Variants in GLIS3 observed in about 807,000 individuals in gnomAD.
GLIS3 encodes the protein GLIS family zinc finger 3, also known as zinc finger protein GLIS3.
Under a neutral mutation model 78.6 loss-of-function variants are expected in GLIS3, and 53 were observed. The ratio of observed to expected loss-of-function variants is 0.67; its 90% CI spans 0.54 to 0.85. The LOEUF is 0.85. Ranked by LOEUF, GLIS3 falls within the 40% of genes least tolerant of loss-of-function variation. The pLI, the probability that GLIS3 is intolerant of heterozygous loss-of-function variation, is 0.00. For missense variants in GLIS3, 1,703 were observed against 1,231.1 expected (o/e 1.38, Z -5.74); for synonymous variants, 684 against 509.9 (o/e 1.34, Z -4.60).
chr9:3,912,898 T>C (rs1287469456), intron 6 of GLIS3, among the ~76,000 whole-genome samples: 1 of 152,218 alleles, frequency 6.6e-6, no homozygotes, highest in Non-Finnish European at 1.5e-5. Flanking sequence ...GGGTTTACTT[T>C]TATCACAGCT....
the GLIS3 span, among the ~76,000 whole-genome samples, chr9:4,365,287 G>C: frequency 6.6e-6 from 1 of 152,168 alleles, no homozygotes; most frequent in Non-Finnish European, 1.5e-5. Flanking sequence ...ATCAGGCTGG[G>C]TGCGGTGGCT....
intron 4 of GLIS3, among the ~76,000 whole-genome samples, chr9:4,098,307 T>C (rs1483752566): frequency 6.6e-6 from 1 of 152,200 alleles, no homozygotes; most frequent in African/African-American, 2.4e-5. Flanking sequence ...GGTATATTCC[T>C]AATGAGATGT....
intron 4 of GLIS3, among the ~76,000 whole-genome samples, chr9:4,060,508 G>T (rs947118988): frequency 6.6e-6 from 1 of 152,136 alleles, no homozygotes; most frequent in African/African-American, 2.4e-5. Flanking sequence ...AGGTGACTGG[G>T]TCATGACAGC....
intron 4 of GLIS3, among the ~76,000 whole-genome samples, chr9:4,091,699 A>C (rs1287769966): frequency 6.6e-6 from 1 of 152,086 alleles, no homozygotes; most frequent in African/African-American, 2.4e-5. Flanking sequence ...TCCTGCCACC[A>C]TGTGAAGGAG....
At chr9:4,425,292 G>C in the GLIS3 span, among the ~76,000 whole-genome samples, 3 of 152,152 alleles carry the variant, frequency 2.0e-5, no homozygotes, top group African/African-American at 4.8e-5. Flanking sequence ...ATATACACAA[G>C]ACTGTTTCCC....
At chr9:4,197,449 G>C (rs1818971595) in intron 2 of GLIS3, among the ~76,000 whole-genome samples, 1 of 152,154 alleles carries the variant, frequency 6.6e-6, no homozygotes, top group African/African-American at 2.4e-5. Flanking sequence ...TAGGAGTTTA[G>C]GCTGCCCCCC....
chr9:4,037,068 C>G (rs1003538725), intron 4 of GLIS3, among the ~76,000 whole-genome samples: 1 of 152,118 alleles, frequency 6.6e-6, no homozygotes, highest in African/African-American at 2.4e-5. Flanking sequence ...AAAAAATCAC[C>G]CCACTCTCTG....
At chr9:3,846,696 C>A (rs1819065852) in intron 9 of GLIS3, among the ~76,000 whole-genome samples, 1 of 152,198 alleles carries the variant, frequency 6.6e-6, no homozygotes, top group Non-Finnish European at 1.5e-5. Context: ...CCCTCTTCCA[C>A]AGGGCTGCCA....
chr9:4,409,054 G>GA, the GLIS3 span, among the ~76,000 whole-genome samples: 1 of 151,962 alleles, frequency 6.6e-6, no homozygotes, highest in Admixed American at 6.5e-5. Flanking sequence ...AATTGGAAAA[G>GA]AAAAAAACAA....
intron 4 of GLIS3, among the ~76,000 whole-genome samples, chr9:3,951,841 A>AACACACACACACACACAC (rs3061609): frequency 1.7e-3 from 226 of 130,604 alleles, no homozygotes; most frequent in African/African-American, 5.2e-3. Context: ...AATAAGCATG[A>AACACACACACACACACAC]ACACACACAC....
chr9:4,337,545 T>C (rs537731342), intron 2 of GLIS3, among the ~76,000 whole-genome samples: 4 of 152,336 alleles, frequency 2.6e-5, no homozygotes, highest in African/African-American at 9.6e-5. Flanking sequence ...ATTTCCTTTA[T>C]AATCAAAAAA....
intron 4 of GLIS3, among the ~76,000 whole-genome samples, chr9:4,069,388 A>C (rs116460185): frequency 0.012 from 1,836 of 152,284 alleles, 42 homozygotes; most frequent in African/African-American, 0.042. Context: ...TCCAGTTGCT[A>C]TCTCCAGGAG....
intron 6 of GLIS3, among the ~76,000 whole-genome samples, chr9:3,924,482 C>T (rs1009534528): frequency 1.1e-4 from 17 of 152,236 alleles, no homozygotes; most frequent in Admixed American, 6.5e-5. Flanking sequence ...CCAATCCAAA[C>T]ACCACTCTAA....
intron 9 of GLIS3, among the ~76,000 whole-genome samples, chr9:3,854,162 G>T (rs1819608644): frequency 6.6e-6 from 1 of 152,202 alleles, no homozygotes; most frequent in African/African-American, 2.4e-5. Context: ...TTTCAGAGTA[G>T]ATAAACTCCT....
intron 7 of GLIS3, 148 bp from the exon 8 acceptor site, chr9:3,879,743 A>G: frequency 2.5e-6 from 2 of 811,080 alleles, no homozygotes; most frequent in Non-Finnish European, 3.9e-6. Context: ...CTTCTTGGGT[A>G]CACACAGCTT....
intron 4 of GLIS3, among the ~76,000 whole-genome samples, chr9:4,307,544 C>T (rs995503724): frequency 6.8e-5 from 10 of 148,006 alleles, no homozygotes; most frequent in African/African-American, 2.4e-4. Flanking sequence ...GCCCTGCATC[C>T]CAACAAAAAA....
intron 2 of GLIS3, among the ~76,000 whole-genome samples, chr9:4,242,923 T>C (rs1163021520): frequency 1.3e-5 from 2 of 152,252 alleles, no homozygotes; most frequent in Non-Finnish European, 2.9e-5. Context: ...GCCATTCATA[T>C]GTGTAGCTTA....
intron 2 of GLIS3, among the ~76,000 whole-genome samples, chr9:4,195,651 G>T (rs779286040): frequency 6.6e-6 from 1 of 152,256 alleles, no homozygotes; most frequent in Admixed American, 6.5e-5. Flanking sequence ...TGGTCCCATC[G>T]ACCGCCCAAG....
chr9:4,228,970 G>T (rs183921667), intron 2 of GLIS3, among the ~76,000 whole-genome samples: 18 of 152,200 alleles, frequency 1.2e-4, no homozygotes, highest in Admixed American at 1.0e-3. Flanking sequence ...ATGCTTTGTT[G>T]AGTACAGCAA....
Sources: gnomAD v4.1 joint callset for allele counts (sites outside exome capture counted in the v4.1 genomes callset) on GRCh38, gnomAD v4.1.1 for gene constraint, MANE v1.5 for transcripts, NCBI Gene and HGNC (gene_info 2026-07-23, HGNC 2026-07-21) for gene names.